The following TAF3 variants were observed in gnomAD, a reference collection of about 807,000 sequenced individuals.
The protein encoded by TAF3 is transcription initiation factor TFIID subunit 3.
In TAF3, 7 loss-of-function variants were observed where a neutral mutation model predicts 80.6. The ratio of observed to expected loss-of-function variants is 0.09; its 90% CI spans 0.05 to 0.16. The LOEUF is 0.16. Ranked by LOEUF, TAF3 falls within the 10% of genes least tolerant of loss-of-function variation. TAF3 has a pLI of 1.00. For missense variants in TAF3, 921 were observed against 1,140.2 expected (o/e 0.81, Z 2.77); for synonymous variants, 444 against 446.1 (o/e 1.00, Z 0.06).
intron 2 of TAF3, among the ~76,000 whole-genome samples, chr10:7,911,093 A>G (rs535153370): frequency 6.6e-6 from 1 of 152,272 alleles, no homozygotes; most frequent in Non-Finnish European, 1.5e-5. Context: ...TTTGAGGGAG[A>G]AGACTCACAC....
intron 4 of TAF3, among the ~76,000 whole-genome samples, chr10:8,005,979 G>A (rs962251718): frequency 1.3e-5 from 2 of 152,112 alleles, no homozygotes; most frequent in Non-Finnish European, 2.9e-5. Flanking sequence ...ATCTCTCTGT[G>A]CCTTGGTTTC....
At chr10:7,901,437 C>G (rs1837557993) in intron 2 of TAF3, among the ~76,000 whole-genome samples, 1 of 152,206 alleles carries the variant, frequency 6.6e-6, no homozygotes, top group Non-Finnish European at 1.5e-5. Flanking sequence ...GGCAAACATT[C>G]AATTAACTTT....
Position 7,863,646 on chromosome 10 carries a change from T to TATATATAC in TAF3, c.409+39087_409+39088insTATATACA, listed in dbSNP as rs1196114441. On this transcript the variant is annotated intron_variant, in intron 2 of 6. Transcript: ENST00000344293. ...AAAAAAATATATATATATATATATA[T>TATATATAC]ACACACACACATATATATATACACA... 4.6e-4 allele frequency among the ~76,000 whole-genome samples: 35 copies of TATATATAC among 76,816 alleles called. 4 individuals carry two copies. Among genetic ancestry groups the TATATATAC allele is most frequent in the East Asian group, 3.5e-3 (4 of 1,144 alleles). The allele number at this position is 76,816 out of a possible 152,430, so 50.4% of individuals were successfully genotyped here.
chr10:7,869,590 C>G (rs1390133528), intron 2 of TAF3, among the ~76,000 whole-genome samples: 1 of 152,188 alleles, frequency 6.6e-6, no homozygotes, highest in Non-Finnish European at 1.5e-5. Context: ...CATTCTTAAT[C>G]ACACACATCC....
At chr10:7,919,170 C>T (rs1837740278) in intron 2 of TAF3, among the ~76,000 whole-genome samples, 1 of 152,118 alleles carries the variant, frequency 6.6e-6, no homozygotes, top group Admixed American at 6.5e-5. Flanking sequence ...GAATTAGAAT[C>T]CAGTTGGATG....
intron 2 of TAF3, among the ~76,000 whole-genome samples, chr10:7,837,708 G>GT (rs1836866553): frequency 6.6e-6 from 1 of 152,204 alleles, no homozygotes; most frequent in Admixed American, 6.5e-5. Flanking sequence ...CTGAGGTGGT[G>GT]TAAGTACTCA....
At chr10:7,906,489 C>T (rs550010417) in intron 2 of TAF3, among the ~76,000 whole-genome samples, 2 of 152,142 alleles carry the variant, frequency 1.3e-5, no homozygotes, top group Non-Finnish European at 2.9e-5. Context: ...TCTCTTCTTT[C>T]GGAGGAGAAA....
At chr10:7,838,709 G>T (rs1447652266) in intron 2 of TAF3, among the ~76,000 whole-genome samples, 1 of 151,986 alleles carries the variant, frequency 6.6e-6, no homozygotes. Flanking sequence ...GGGCAGGCAG[G>T]CTTCTTGAAT....
At chr10:7,833,338 CT>C (rs1359948957) in intron 2 of TAF3, among the ~76,000 whole-genome samples, 1 of 152,192 alleles carries the variant, frequency 6.6e-6, no homozygotes, top group African/African-American at 2.4e-5. Context: ...AGGATTCCCC[CT>C]TTTCTCCACA....
At chr10:7,820,282 C>T (rs377707557) in intron 1 of TAF3, among the ~76,000 whole-genome samples, 2 of 152,264 alleles carry the variant, frequency 1.3e-5, no homozygotes, top group South Asian at 4.2e-4. Flanking sequence ...GTTTTGTAAT[C>T]ACCTGTGTAT....
chr10:7,949,068 T>C (rs557278310), intron 2 of TAF3, among the ~76,000 whole-genome samples: 5 of 152,340 alleles, frequency 3.3e-5, no homozygotes, highest in African/African-American at 1.2e-4. Flanking sequence ...AGTGTCAGGA[T>C]GATTTCCCAT....
chr10:7,881,313 T>C (rs1276477220), intron 2 of TAF3, among the ~76,000 whole-genome samples: 1 of 152,118 alleles, frequency 6.6e-6, no homozygotes, highest in Non-Finnish European at 1.5e-5. Context: ...CGCAATACTT[T>C]ACTGTATCTT....
At chr10:7,885,755 C>T (rs1175688404) in intron 2 of TAF3, among the ~76,000 whole-genome samples, 1 of 152,222 alleles carries the variant, frequency 6.6e-6, no homozygotes, top group East Asian at 1.9e-4. Context: ...CATGTTCTCT[C>T]CTGTCAGCTA....
rs777755485 is a variant in TAF3 at position 7,904,009 on chromosome 10, C to T, written c.410-59911C>T. On this transcript the variant is annotated intron_variant, in intron 2 of 6. Coordinates refer to ENST00000344293, the MANE Select transcript of TAF3 (RefSeq NM_031923.4). Reference sequence around the variant, plus strand: ...GGGTCAGGGTGTCTGAGAAGTTTCACGGTGCGTCTGAGTTGGAGCAGAGTC... The same window carrying T: ...GGGTCAGGGTGTCTGAGAAGTTTCATGGTGCGTCTGAGTTGGAGCAGAGTC... 4.6e-5 allele frequency among the ~76,000 whole-genome samples: 7 copies of T among 151,994 alleles called. 1 individual carries two copies. In the South Asian group the frequency reaches 6.3e-4, roughly 14 times the overall value.
chr10:7,855,319 G>A (rs949488999), intron 2 of TAF3, among the ~76,000 whole-genome samples: 3 of 152,190 alleles, frequency 2.0e-5, no homozygotes, highest in Non-Finnish European at 4.4e-5. Context: ...ACAAAAGACT[G>A]ACTTCAAAGG....
chr10:7,990,835 G>T (rs548922266), intron 4 of TAF3, among the ~76,000 whole-genome samples: 1 of 152,254 alleles, frequency 6.6e-6, no homozygotes, highest in African/African-American at 2.4e-5. Context: ...TTATCCCATA[G>T]ACCTCCTCAC....
intron 4 of TAF3, among the ~76,000 whole-genome samples, chr10:7,999,437 AAGAAAGAAAG>A (rs1323408663): frequency 6.7e-6 from 1 of 149,166 alleles, no homozygotes; most frequent in South Asian, 2.1e-4. Context: ...AAAAAAAAAA[AAGAAAGAAAG>A]AAAGAAAGAA....
intron 2 of TAF3, among the ~76,000 whole-genome samples, chr10:7,874,291 C>G (rs1182017597): frequency 6.6e-6 from 1 of 152,060 alleles, no homozygotes; most frequent in East Asian, 1.9e-4. Context: ...GTTTTAGAGG[C>G]TAATTATTTT....
At chr10:7,911,119 T>C (rs1289214524) in intron 2 of TAF3, among the ~76,000 whole-genome samples, 1 of 152,226 alleles carries the variant, frequency 6.6e-6, no homozygotes. Flanking sequence ...AGTGTAGTCT[T>C]GCTATCTAGA....
Sources: gnomAD v4.1 joint callset for allele counts (sites outside exome capture counted in the v4.1 genomes callset) on GRCh38, gnomAD v4.1.1 for gene constraint, MANE v1.5 for transcripts, NCBI Gene and HGNC (gene_info 2026-07-23, HGNC 2026-07-21) for gene names.